The following PTPRN2 variants were observed in gnomAD, a reference collection of about 807,000 sequenced individuals.
The protein encoded by PTPRN2 is receptor-type tyrosine-protein phosphatase N2.
PTPRN2 carries 74 observed loss-of-function variants against 118.8 expected under a neutral mutation model. That is an observed-to-expected ratio of 0.62 (90% CI 0.52 to 0.76). The LOEUF is 0.76. PTPRN2 is among the 30% of genes least tolerant of loss of function. The pLI, the probability that PTPRN2 is intolerant of heterozygous loss-of-function variation, is 0.00. For missense variants in PTPRN2, 1,481 were observed against 1,394.4 expected (o/e 1.06, Z -0.99); for synonymous variants, 641 against 608.0 (o/e 1.05, Z -0.80).
At chr7:157,956,570 G>T (rs1054823063) in intron 11 of PTPRN2, among the ~76,000 whole-genome samples, 1 of 152,220 alleles carries the variant, frequency 6.6e-6, no homozygotes, top group Non-Finnish European at 1.5e-5. Context: ...TTCTTGCGTG[G>T]GCATCAGCCT....
At position 158,112,386 on chromosome 7, in the gene PTPRN2, G is replaced by A. The variant is rs770467493; in HGVS notation, c.1557-1471C>T. Among the ~76,000 whole-genome samples, 6 of 152,208 alleles carry A rather than the reference G, an allele frequency of 3.9e-5. No individual in the cohort carries two copies. In the East Asian group the frequency reaches 7.7e-4, roughly 20 times the overall value. On this transcript the variant is annotated intron_variant, in intron 9 of 22. Transcript: ENST00000389418. ...TGAGCAGAGAAGGCAAGGGGGCCGC[G>A]GTGCCACATGGTGAGGAGGTGAAGT... is the stretch of plus-strand genomic sequence containing the variant.
intron 3 of PTPRN2, among the ~76,000 whole-genome samples, chr7:158,238,157 T>C (rs1229722105): frequency 1.3e-5 from 2 of 151,976 alleles, no homozygotes; most frequent in Non-Finnish European, 2.9e-5. Flanking sequence ...CCGGCTCTGA[T>C]TGGAAAAGGA....
chr7:158,495,544 G>A (rs1318571974), intron 1 of PTPRN2, among the ~76,000 whole-genome samples: 1 of 152,108 alleles, frequency 6.6e-6, no homozygotes, highest in Non-Finnish European at 1.5e-5. Context: ...CTGGGCCATA[G>A]CTACCCCCCA....
intron 12 of PTPRN2, among the ~76,000 whole-genome samples, chr7:157,710,224 G>T (rs1796258): frequency 0.16 from 24,679 of 152,118 alleles, 2,033 homozygotes; most frequent in Admixed American, 0.2. Flanking sequence ...CCCCTTGGAC[G>T]AGGCTTTCTG....
intron 11 of PTPRN2, among the ~76,000 whole-genome samples, chr7:157,959,576 C>A (rs1801392093): frequency 6.6e-6 from 1 of 152,084 alleles, no homozygotes; most frequent in Non-Finnish European, 1.5e-5. Context: ...GGAGAGTGAG[C>A]CCATGGTGAG....
chr7:158,156,324 G>A lies in PTPRN2; in HGVS notation c.910+10607C>T, dbSNP rs535651297. ...GGGGTGTGGGGATTGGCAGTCAAAT[G>A]GCTTTCTAAAGACTGCTTCCTTTAG... On this transcript the variant is annotated intron_variant, in intron 6 of 22. Coordinates refer to ENST00000389418, the MANE Select transcript of PTPRN2 (RefSeq NM_002847.5). 1.4e-4 allele frequency among the ~76,000 whole-genome samples: 22 copies of A among 152,302 alleles called. No individual in the cohort carries two copies. The South Asian group carries it at 2.9e-3, about 20-fold the overall frequency.
chr7:157,755,715 G>A (rs1028219642), intron 12 of PTPRN2, among the ~76,000 whole-genome samples: 2 of 151,992 alleles, frequency 1.3e-5, no homozygotes, highest in African/African-American at 2.4e-5. Context: ...CAGACACTGG[G>A]GACCCCCAGA....
intron 2 of PTPRN2, among the ~76,000 whole-genome samples, chr7:158,396,850 T>TA (rs1330868348): frequency 6.6e-6 from 1 of 152,156 alleles, no homozygotes; most frequent in East Asian, 1.9e-4. Flanking sequence ...GTTCCCAAAA[T>TA]AAGACTGTTG....
chr7:158,016,059 C>G (rs530790451), intron 11 of PTPRN2, among the ~76,000 whole-genome samples: 1 of 152,274 alleles, frequency 6.6e-6, no homozygotes, highest in African/African-American at 2.4e-5. Context: ...TGTTTTTCCT[C>G]GTTCAGGGAA....
At chr7:158,481,956 C>A (rs1227007335) in intron 2 of PTPRN2, among the ~76,000 whole-genome samples, 1 of 152,164 alleles carries the variant, frequency 6.6e-6, no homozygotes, top group Non-Finnish European at 1.5e-5. Flanking sequence ...GAGGCTGAGT[C>A]CAACCCTCAT....
At chr7:158,101,533 A>G (rs1815229981) in intron 10 of PTPRN2, among the ~76,000 whole-genome samples, 3 of 152,238 alleles carry the variant, frequency 2.0e-5, no homozygotes, top group Admixed American at 6.5e-5. Flanking sequence ...GACTTAAACT[A>G]AAAAGTTTCT....
chr7:158,586,838 C>G (rs2129453199), intron 1 of PTPRN2, among the ~76,000 whole-genome samples: 1 of 152,306 alleles, frequency 6.6e-6, no homozygotes, highest in East Asian at 1.9e-4. Context: ...CGGCGGAACA[C>G]GAGCGGGGGG....
intron 11 of PTPRN2, among the ~76,000 whole-genome samples, chr7:158,019,329 G>A (rs1806690018): frequency 6.6e-6 from 1 of 152,226 alleles, no homozygotes; most frequent in Non-Finnish European, 1.5e-5. Flanking sequence ...TAAATCAATC[G>A]GCATGTAATT....
At chr7:158,308,257 G>T (rs535126605) in intron 3 of PTPRN2, among the ~76,000 whole-genome samples, 16 of 152,002 alleles carry the variant, frequency 1.1e-4, no homozygotes, top group Admixed American at 2.6e-4. Context: ...TCAGAAAATC[G>T]ATCCTTCAAA....
At chr7:157,896,070 G>A (rs766915131) in intron 12 of PTPRN2, among the ~76,000 whole-genome samples, 60 of 151,850 alleles carry the variant, frequency 4.0e-4, no homozygotes, top group Non-Finnish European at 7.1e-4. Context: ...CATCACAGGT[G>A]CCCAGGGGAG....
chr7:158,016,030 T>C (rs563675297), intron 11 of PTPRN2, among the ~76,000 whole-genome samples: 2 of 152,180 alleles, frequency 1.3e-5, no homozygotes, highest in Non-Finnish European at 2.9e-5. Context: ...ACACGCACAG[T>C]GCATGGCCTG....
chr7:158,101,402 T>C (rs1815214784), intron 10 of PTPRN2, among the ~76,000 whole-genome samples: 1 of 152,172 alleles, frequency 6.6e-6, no homozygotes. Context: ...ATCTAAGACC[T>C]GAAACCATAA....
chr7:157,892,175 C>T lies in PTPRN2; in HGVS notation c.1788+6498G>A, dbSNP rs1319986684. 1.3e-5 allele frequency among the ~76,000 whole-genome samples: 2 copies of T among 151,784 alleles called. 1 individual carries two copies. Among genetic ancestry groups the T allele is most frequent in the South Asian group, 4.2e-4 (2 of 4,798 alleles). On this transcript the variant is annotated intron_variant, in intron 12 of 22. Transcript: ENST00000389418. Reference sequence around the variant, plus strand: ...CTATCACGATGCTTAGAAGCTAGAACGCTGGGCAGGGGACCTCTCTGCTCT... The same window carrying T: ...CTATCACGATGCTTAGAAGCTAGAATGCTGGGCAGGGGACCTCTCTGCTCT...
intron 3 of PTPRN2, among the ~76,000 whole-genome samples, chr7:158,231,282 A>G (rs1829148528): frequency 6.6e-6 from 1 of 152,162 alleles, no homozygotes; most frequent in Non-Finnish European, 1.5e-5. Context: ...AACAAAAAAG[A>G]TATTCCATGC....
Sources: gnomAD v4.1 joint callset for allele counts (sites outside exome capture counted in the v4.1 genomes callset) on GRCh38, gnomAD v4.1.1 for gene constraint, MANE v1.5 for transcripts, NCBI Gene and HGNC (gene_info 2026-07-23, HGNC 2026-07-21) for gene names.